KLF15: variants seen among roughly 807,000 people sequenced by gnomAD.
KLF15 encodes KLF transcription factor 15.
Under a neutral mutation model 24.6 loss-of-function variants are expected in KLF15, and 4 were observed. That is an observed-to-expected ratio of 0.16 (90% CI 0.08 to 0.37). KLF15 has a LOEUF of 0.37. KLF15 is among the 10% of genes least tolerant of loss of function. KLF15 has a pLI of 1.00. For missense variants in KLF15, 496 were observed against 560.6 expected, an observed-to-expected ratio of 0.88 and a Z score of 1.16; for synonymous variants, 246 against 236.3, an observed-to-expected ratio of 1.04 and a Z score of -0.37.
At chr3:126,347,180 C>T (rs2082541418) in intron 2 of KLF15, among the ~76,000 whole-genome samples, 1 of 152,168 alleles carries the variant, frequency 6.6e-6, no homozygotes, top group Non-Finnish European at 1.5e-5. Flanking sequence ...GCATACAGCA[C>T]TTCTGTATGA....
chr3:126,326,160 A>G, the KLF15 span, among the ~76,000 whole-genome samples: 1 of 99,338 alleles, frequency 1.0e-5, no homozygotes, highest in East Asian at 2.8e-4. Context: ...GTTCTGTTCC[A>G]TTGATCTATA....
At chr3:126,331,925 C>A in the KLF15 span, among the ~76,000 whole-genome samples, 3 of 152,314 alleles carry the variant, frequency 2.0e-5, no homozygotes, top group African/African-American at 7.2e-5. Flanking sequence ...GTCCTACGCC[C>A]ACGGAATCTC....
In KLF15 at chr3:126,352,782, G is replaced by A. The variant is rs1426205311; in HGVS notation, c.141C>T (p.Ser47=). The change falls in exon 2 of 3, where the codon TCC becomes TCT. Residue 47 remains serine (S), a synonymous_variant. Coordinates refer to ENST00000296233, the MANE Select transcript of KLF15 (RefSeq NM_014079.4). ...SPVSEDDSDA[S]SPCSCSSPDS... ...CGGGACTGGAACAGGAGCAGGGGCT[G>A]GAGGCATCGCTGTCATCTTCAGAGA... 3 of 1,581,270 alleles carry A rather than the reference G, an allele frequency of 1.9e-6. No homozygotes were observed. The highest frequency in any genetic ancestry group is 2.3e-5 in the South Asian group (2 of 87,298).
the KLF15 span, among the ~76,000 whole-genome samples, chr3:126,332,156 G>A: frequency 6.6e-6 from 1 of 152,164 alleles, no homozygotes; most frequent in Non-Finnish European, 1.5e-5. Flanking sequence ...AACCTCTGCA[G>A]ACTTAAGTGT....
the KLF15 span, among the ~76,000 whole-genome samples, chr3:126,299,510 G>A: frequency 6.6e-6 from 1 of 152,030 alleles, no homozygotes; most frequent in African/African-American, 2.4e-5. Flanking sequence ...AGCACTTTGG[G>A]AGGCCGAGGA....
downstream of KLF15, among the ~76,000 whole-genome samples, chr3:126,340,860 C>T (rs563461871): frequency 1.6e-4 from 24 of 151,938 alleles, no homozygotes; most frequent in East Asian, 4.7e-3. Context: ...GACTCTCAAC[C>T]CCCACCAGGG....
chr3:126,350,276 C>T (rs1162756823), intron 2 of KLF15, among the ~76,000 whole-genome samples: 3 of 152,238 alleles, frequency 2.0e-5, no homozygotes, highest in Non-Finnish European at 4.4e-5. Context: ...CATGCACCCA[C>T]TCGGCAGGCC....
At chr3:126,348,145 A>G (rs1418468352) in intron 2 of KLF15, among the ~76,000 whole-genome samples, 2 of 152,214 alleles carry the variant, frequency 1.3e-5, no homozygotes, top group African/African-American at 4.8e-5. Flanking sequence ...CTGGGCAGAC[A>G]GCCTCAGCTG....
chr3:126,302,745 G>T, the KLF15 span, among the ~76,000 whole-genome samples: 1 of 152,056 alleles, frequency 6.6e-6, no homozygotes, highest in Non-Finnish European at 1.5e-5. Context: ...TGTTAGCATG[G>T]TATATCTTTT....
downstream of KLF15, among the ~76,000 whole-genome samples, chr3:126,341,533 C>T (rs1412501297): frequency 2.0e-5 from 3 of 152,154 alleles, no homozygotes; most frequent in East Asian, 5.8e-4. Context: ...ACAGAGGGTA[C>T]ATCCGGTCAG....
At chr3:126,327,070 C>G in the KLF15 span, among the ~76,000 whole-genome samples, 1 of 152,092 alleles carries the variant, frequency 6.6e-6, no homozygotes, top group African/African-American at 2.4e-5. Flanking sequence ...CGGGCTTTCT[C>G]CAGTTTTTCC....
chr3:126,332,281 T>A, the KLF15 span, among the ~76,000 whole-genome samples: 2 of 148,704 alleles, frequency 1.3e-5, no homozygotes, highest in Admixed American at 6.8e-5. Context: ...CCGAGCAGCC[T>A]AACTGGGAGG....
the KLF15 span, among the ~76,000 whole-genome samples, chr3:126,301,947 T>TC: frequency 0.4 from 58,199 of 144,978 alleles, 11,379 homozygotes; most frequent in Non-Finnish European, 0.43. Context: ...GCTTTTTTTT[T>TC]TCCTAGTTTC....
chr3:126,350,093 G>A (rs147471884), intron 2 of KLF15, among the ~76,000 whole-genome samples: 1 of 152,318 alleles, frequency 6.6e-6, no homozygotes, highest in Non-Finnish European at 1.5e-5. Flanking sequence ...ACAAGTTAGT[G>A]GCTGACCCAG....
chr3:126,300,456 G>A, the KLF15 span, among the ~76,000 whole-genome samples: 1 of 152,176 alleles, frequency 6.6e-6, no homozygotes, highest in South Asian at 2.1e-4. Context: ...CCAGAGCGTC[G>A]GGGGTCTTCC....
At chr3:126,312,061 C>G in the KLF15 span, among the ~76,000 whole-genome samples, 1 of 152,224 alleles carries the variant, frequency 6.6e-6, no homozygotes, top group South Asian at 2.1e-4. Context: ...AGCTATAGCT[C>G]AGAGGCTATA....
the KLF15 span, among the ~76,000 whole-genome samples, chr3:126,316,092 CA>C: frequency 6.6e-6 from 1 of 152,220 alleles, no homozygotes; most frequent in South Asian, 2.1e-4. Flanking sequence ...AGAATTCAAA[CA>C]AATAATTGCG....
chr3:126,352,791 G>T lies in KLF15; in HGVS notation c.132C>A (p.Ser44Arg). 1.3e-6 allele frequency: 2 copies of T among 1,586,218 alleles called. No individual in the cohort carries two copies. The highest frequency in any genetic ancestry group is 1.7e-6 in the Non-Finnish European group (2 of 1,166,150). Residue 44 changes from serine to arginine, a missense_variant, in exon 2 of 3, where the codon AGC becomes AGA. Ser to Arg is a moderately radical substitution (Grantham distance 110). This residue lies in a region of KLF15 where 399 missense variants were observed against 423.1 expected (regional missense o/e 0.94). Coordinates refer to ENST00000296233, the MANE Select transcript of KLF15 (RefSeq NM_014079.4). ...MLPSPVSEDD[S>R]DASSPCSCSS... ...AACAGGAGCAGGGGCTGGAGGCATC[G>T]CTGTCATCTTCAGAGACGGGTGAGG...
chr3:126,291,157 T>C, the KLF15 span: 104,923 of 152,220 alleles, frequency 0.69, 37,324 homozygotes, highest in African/African-American at 0.87. Context: ...CCAGGTGGCT[T>C]CCCACTTGAA....
Sources: allele counts gnomAD v4.1 joint callset (sites outside exome capture counted in the v4.1 genomes callset), GRCh38; gene constraint gnomAD v4.1.1; regional missense constraint gnomAD v4.1.1; transcripts MANE v1.5; gene names NCBI Gene and HGNC (gene_info 2026-07-23, HGNC 2026-07-21).